The following PPP1R9A variants were observed in gnomAD, a reference collection of about 807,000 sequenced individuals.
The protein encoded by PPP1R9A is protein phosphatase 1 regulatory subunit 9A.
In PPP1R9A, 59 loss-of-function variants were observed where a neutral mutation model predicts 141.9. That is an observed-to-expected ratio of 0.42 (90% confidence interval 0.34 to 0.52). The LOEUF (loss-of-function observed/expected upper bound fraction) is 0.52. PPP1R9A is among the 20% of genes least tolerant of loss of function. PPP1R9A has a pLI of 0.10. For missense variants in PPP1R9A, 1,444 were observed against 1,611.9 expected, an observed-to-expected ratio of 0.90 and a Z score of 1.78; for synonymous variants, 500 against 569.7, an observed-to-expected ratio of 0.88 and a Z score of 1.74.
Position 95,295,477 on chromosome 7 carries a change from T to G in PPP1R9A, c.*5174T>G, listed in dbSNP as rs2116245672. 6.6e-6 allele frequency: 1 copy of G among 152,510 alleles called. No individual in the cohort carries two copies. The highest frequency in any genetic ancestry group is 3.4e-3 in the Middle Eastern group (1 of 294). 9.4% of individuals were successfully genotyped at this position (152,510 alleles called of 1,614,324 possible). A position where few individuals can be genotyped will look rare whatever the true frequency, so the allele number is the denominator to read the frequency against. ...AATTGCACTGTGTGTTCTTGTGAAT[T>G]TGCTCACAATTCTAAAATGACATAA... On this transcript the variant is annotated 3_prime_UTR_variant, in exon 20 of 20. Transcript: ENST00000433360.
chr7:94,966,935 C>T (rs1377475703), intron 2 of PPP1R9A, among the ~76,000 whole-genome samples: 1 of 152,058 alleles, frequency 6.6e-6, no homozygotes, highest in Admixed American at 6.6e-5. Context: ...GCTGTGAATT[C>T]GTCTGGTCCT....
chr7:95,090,177 G>A (rs1231750235), intron 2 of PPP1R9A, among the ~76,000 whole-genome samples: 1 of 151,502 alleles, frequency 6.6e-6, no homozygotes, highest in East Asian at 1.9e-4. Flanking sequence ...TTTTTGAGGG[G>A]TGAATGACAG....
Position 95,161,879 on chromosome 7 carries a change from TGACCA to T in PPP1R9A, c.1665_1669del (p.Gln556CysfsTer68). On this transcript the variant is annotated frameshift_variant, in exon 5 of 20. Transcript: ENST00000433360. LOFTEE classifies it high-confidence loss of function. The stretch of plus-strand genomic sequence containing the variant: ...CCTCTTTCTAAAGAATACAAGTCAA[TGACCA>T]GATTGTGGAAGTGGATGGAATCAGC... The T allele has an allele frequency of 6.2e-7, 1 of 1,608,136 alleles. No individual in the cohort carries two copies. Among genetic ancestry groups the T allele is most frequent in the South Asian group, 1.1e-5 (1 of 90,078 alleles).
chr7:95,203,311 A>G (rs1789986212), intron 6 of PPP1R9A, among the ~76,000 whole-genome samples: 5 of 152,236 alleles, frequency 3.3e-5, no homozygotes, highest in Admixed American at 2.0e-4. Flanking sequence ...AAGGTATACA[A>G]TAATATAATA....
chr7:95,009,165 G>T (rs140565057), intron 2 of PPP1R9A, among the ~76,000 whole-genome samples: 95 of 152,236 alleles, frequency 6.2e-4, no homozygotes, highest in Admixed American at 2.8e-3. Flanking sequence ...GTCGGGGAAG[G>T]GGGGAGGGAT....
chr7:95,185,185 T>C (rs1313802681), intron 5 of PPP1R9A, among the ~76,000 whole-genome samples: 4 of 152,000 alleles, frequency 2.6e-5, no homozygotes, highest in African/African-American at 9.7e-5. Context: ...ACCACATCCA[T>C]GCCAACATCT....
chr7:94,931,783 G>C (rs1385353609), intron 2 of PPP1R9A, among the ~76,000 whole-genome samples: 1 of 152,126 alleles, frequency 6.6e-6, no homozygotes, highest in African/African-American at 2.4e-5. Context: ...TCTCCATGTT[G>C]GTCAGGCTGG....
At chr7:95,068,330 C>A (rs537861553) in intron 2 of PPP1R9A, among the ~76,000 whole-genome samples, 7 of 151,732 alleles carry the variant, frequency 4.6e-5, no homozygotes, top group Admixed American at 3.3e-4. Context: ...ATTAGCTGGG[C>A]GTGGTGGCAC....
At chr7:95,101,029 T>C (rs1381809765) in intron 2 of PPP1R9A, among the ~76,000 whole-genome samples, 1 of 151,306 alleles carries the variant, frequency 6.6e-6, no homozygotes, top group Non-Finnish European at 1.5e-5. Flanking sequence ...ATTTTTTGTA[T>C]TTTTAGTAGA....
intron 3 of PPP1R9A, among the ~76,000 whole-genome samples, chr7:95,117,678 A>C (rs1374478485): frequency 1.3e-5 from 2 of 152,164 alleles, no homozygotes; most frequent in Admixed American, 1.3e-4. Context: ...ATGGTGTGAC[A>C]GTATGGAGAT....
intron 6 of PPP1R9A, among the ~76,000 whole-genome samples, 195 bp downstream of exon 6, chr7:95,198,679 T>A (rs1425836155): frequency 6.6e-6 from 1 of 152,228 alleles, no homozygotes; most frequent in African/African-American, 2.4e-5. Context: ...GTATCCTGTT[T>A]ACAGTATGAA....
chr7:94,978,542 A>G lies in PPP1R9A; in HGVS notation c.1395+67034A>G, dbSNP rs932175141. Reference sequence around the variant, plus strand: ...GCTGCTTAAAAATTTTACATTGCCAATTCATTTCTCGACACTTTTTTCTAT... The same window carrying G: ...GCTGCTTAAAAATTTTACATTGCCAGTTCATTTCTCGACACTTTTTTCTAT... On this transcript the variant is annotated intron_variant, in intron 2 of 19. Coordinates refer to ENST00000433360, the MANE Select transcript of PPP1R9A (RefSeq NM_001166160.2). Among the ~76,000 whole-genome samples the G allele has an allele frequency of 3.3e-5, 5 of 152,266 alleles. No homozygotes were observed. The East Asian group carries it at 5.8e-4, about 18-fold the overall frequency.
intron 2 of PPP1R9A, among the ~76,000 whole-genome samples, chr7:94,940,983 G>A (rs1472385420): frequency 1.3e-5 from 2 of 152,078 alleles, no homozygotes; most frequent in Non-Finnish European, 2.9e-5. Context: ...AACAAAATCA[G>A]AGAAGAGCTG....
Position 95,268,634 on chromosome 7 carries a change from G to T in PPP1R9A, c.2750G>T (p.Arg917Leu), listed in dbSNP as rs139020369. ...TRAQLSVKNR[R>L]QRPSRTRLYD... The stretch of plus-strand genomic sequence containing the variant: ...GCCCAGCTCTCTGTGAAGAACAGAC[G>T]CCAGAGACCCTCTAGGACAAGACTG... Residue 917 changes from arginine to leucine, a missense_variant, in exon 13 of 20, where the codon CGC (arginine) becomes CTC (leucine). By Grantham distance (102) the Arg-to-Leu change is moderately radical. Transcript: ENST00000433360. 6.2e-7 allele frequency: 1 copy of T among 1,613,328 alleles called. No individual in the cohort carries two copies. Among genetic ancestry groups the T allele is most frequent in the East Asian group, 2.2e-5 (1 of 44,868 alleles).
At chr7:95,073,238 G>A (rs995121438) in intron 2 of PPP1R9A, among the ~76,000 whole-genome samples, 2 of 151,538 alleles carry the variant, frequency 1.3e-5, no homozygotes, top group Non-Finnish European at 2.9e-5. Context: ...CACCTGCCTC[G>A]GTCTCTCAAA....
At position 95,081,212 on chromosome 7, in the gene PPP1R9A, A is replaced by G. The variant is rs116095565; in HGVS notation, c.1396-30047A>G. Among the ~76,000 whole-genome samples the G allele has an allele frequency of 4.6e-3, 693 of 152,306 alleles. 2 individuals carry two copies. Among genetic ancestry groups the G allele is most frequent in the African/African-American group, 0.016 (668 of 41,564 alleles). Reference sequence around the variant, plus strand: ...AAAAATAGCCAGCAGTAACAGGGTAAAATTCACAATATTTCACATTCATTC... The same window carrying G: ...AAAAATAGCCAGCAGTAACAGGGTAGAATTCACAATATTTCACATTCATTC... On this transcript the variant is annotated intron_variant, in intron 2 of 19. Coordinates refer to ENST00000433360, the MANE Select transcript of PPP1R9A (RefSeq NM_001166160.2).
chr7:95,141,840 A>G (rs1826755124), intron 4 of PPP1R9A, among the ~76,000 whole-genome samples: 1 of 152,062 alleles, frequency 6.6e-6, no homozygotes, highest in Admixed American at 6.5e-5. Context: ...ATGAACATTC[A>G]TGTGATAGTT....
Position 95,027,632 on chromosome 7 carries a change from TTGTGCAAACATCA to T in PPP1R9A, c.1396-83624_1396-83612del, listed in dbSNP as rs1409025484. Among the ~76,000 whole-genome samples, 3 of 152,332 alleles carry T rather than the reference TTGTGCAAACATCA, an allele frequency of 2.0e-5. No individual in the cohort carries two copies. In the South Asian group the frequency reaches 6.2e-4, roughly 32 times the overall value. Reference sequence around the variant, plus strand: ...GAGATGCTTCAAGGTGATTTTGTTGTTGTGCAAACATCATGGACTTTATTTAAACCTAAATGAT... The same window carrying T: ...GAGATGCTTCAAGGTGATTTTGTTGTTGGACTTTATTTAAACCTAAATGAT... On this transcript the variant is annotated intron_variant, in intron 2 of 19. Coordinates refer to ENST00000433360, the MANE Select transcript of PPP1R9A (RefSeq NM_001166160.2).
At chr7:94,909,839 G>T in intron 1 of PPP1R9A, 59 bp from the exon 2 acceptor site, 3 of 259,562 alleles carry the variant, frequency 1.2e-5, no homozygotes, top group Non-Finnish European at 2.2e-5. Flanking sequence ...TATGTTATTT[G>T]ACTAGACATA....
Sources: allele counts gnomAD v4.1 joint callset (sites outside exome capture counted in the v4.1 genomes callset), GRCh38; gene constraint gnomAD v4.1.1; transcripts MANE v1.5; gene names NCBI Gene and HGNC (gene_info 2026-07-23, HGNC 2026-07-21).